TPD52: variants seen among roughly 807,000 people sequenced by gnomAD.
TPD52 encodes tumor protein D52.
TPD52 carries 17 observed loss-of-function variants against 31.3 expected under a neutral mutation model. The ratio of observed to expected loss-of-function variants is 0.54; its 90% CI spans 0.37 to 0.82. The LOEUF (loss-of-function observed/expected upper bound fraction) is 0.82, where lower values mean the gene tolerates loss of function less well. Ranked by LOEUF, TPD52 falls within the 40% of genes least tolerant of loss-of-function variation. The probability of loss-of-function intolerance (pLI) is 0.00; values close to 1 mark genes in which losing one functional copy is unlikely to be tolerated. For synonymous variants in TPD52, 83 were observed against 89.6 expected (o/e 0.93, Z 0.42); for missense variants, 212 against 240.1 (o/e 0.88, Z 0.77).
At chr8:80,126,644 G>A (rs1001773951) in intron 1 of TPD52, among the ~76,000 whole-genome samples, 2 of 151,984 alleles carry the variant, frequency 1.3e-5, no homozygotes, top group East Asian at 1.9e-4. Context: ...ACCATGCCTA[G>A]CCAATTTTTG....
rs1478665511 is a variant in TPD52 at position 80,119,733 on chromosome 8, C to T, written c.19+51692G>A. 3.3e-5 allele frequency: 9 copies of T among 276,732 alleles called. No individual in the cohort carries two copies. In the East Asian group the frequency reaches 1.0e-3, roughly 31 times the overall value. The allele number at this position is 276,732 out of a possible 1,614,324, so 17.1% of individuals were successfully genotyped here. A position where few individuals can be genotyped will look rare whatever the true frequency, so the allele number is the denominator to read the frequency against. ...GGCCTTTAAAACCACACAGTACTGG[C>T]ATAAGAATAAACAAAACATTTGAAA... On this transcript the variant is annotated intron_variant, in intron 1 of 7. Coordinates refer to ENST00000518937, the MANE Select transcript of TPD52 (RefSeq NM_001025253.3).
intron 1 of TPD52, among the ~76,000 whole-genome samples, chr8:80,159,815 G>A (rs935025231): frequency 2.6e-5 from 4 of 152,146 alleles, no homozygotes; most frequent in Admixed American, 1.3e-4. Context: ...TGTTACTTCC[G>A]ATTCCAATTT....
Position 80,037,902 on chromosome 8 carries a change from T to C in TPD52, c.*214A>G, listed in dbSNP as rs1810020190. 2.0e-6 allele frequency: 1 copy of C among 494,340 alleles called. No individual in the cohort carries two copies. Among genetic ancestry groups the C allele is most frequent in the Non-Finnish European group, 3.4e-6 (1 of 290,600 alleles). 30.6% of individuals were successfully genotyped at this position (494,340 alleles called of 1,614,324 possible). On this transcript the variant is annotated 3_prime_UTR_variant, in exon 8 of 8. Coordinates refer to ENST00000518937, the MANE Select transcript of TPD52 (RefSeq NM_001025253.3). ...TGTTTTTATAATGGTGTTTCCTAAA[T>C]AAAGGAACATAAATGTACACTAAAG...
chr8:80,143,418 C>A (rs887600608), intron 1 of TPD52, among the ~76,000 whole-genome samples: 1 of 152,178 alleles, frequency 6.6e-6, no homozygotes, highest in Non-Finnish European at 1.5e-5. Flanking sequence ...TTACGTATAA[C>A]CCCAATTAAA....
At chr8:80,158,451 T>C (rs573563116) in intron 1 of TPD52, 2 of 152,460 alleles carry the variant, frequency 1.3e-5, no homozygotes, top group African/African-American at 4.8e-5. Flanking sequence ...GGAATTCTTT[T>C]CTGAAGACCC....
intron 1 of TPD52, chr8:80,080,563 A>C (rs1338520653): frequency 6.8e-7 from 1 of 1,470,342 alleles, no homozygotes; most frequent in Non-Finnish European, 9.0e-7. Flanking sequence ...TGAAGAAATC[A>C]ACCCCAGGAG....
At chr8:80,113,544 G>T (rs1232254006) in intron 1 of TPD52, among the ~76,000 whole-genome samples, 1 of 152,116 alleles carries the variant, frequency 6.6e-6, no homozygotes, top group Non-Finnish European at 1.5e-5. Context: ...TCCATCAAAA[G>T]ATGAAGAGAT....
At chr8:80,056,809 G>C (rs1416799718) in intron 2 of TPD52, among the ~76,000 whole-genome samples, 1 of 152,140 alleles carries the variant, frequency 6.6e-6, no homozygotes, top group Non-Finnish European at 1.5e-5. Flanking sequence ...TCCTCAAAAA[G>C]TTAAACATAG....
intron 1 of TPD52, among the ~76,000 whole-genome samples, chr8:80,096,802 C>A (rs79749005): frequency 0.025 from 3,746 of 152,226 alleles, 61 homozygotes; most frequent in South Asian, 0.049. Context: ...CTCCTCAGGC[C>A]TCCCTATTTG....
At position 80,051,519 on chromosome 8, in the gene TPD52, G is replaced by A; in HGVS notation, c.386+8C>T. ...CTACTTAATGAGCAAGGAAAAATGA[G>A]GACATACTTTACATCTTCCAGCTTT... On this transcript the variant is annotated splice_region_variant and intron_variant, in intron 4 of 7. Transcript: ENST00000518937. 1.2e-6 allele frequency: 2 copies of A among 1,612,504 alleles called. No individual in the cohort carries two copies. The highest frequency in any genetic ancestry group is 1.7e-6 in the Non-Finnish European group (2 of 1,178,722).
At chr8:80,088,086 A>G (rs1815958320) in intron 1 of TPD52, among the ~76,000 whole-genome samples, 1 of 152,180 alleles carries the variant, frequency 6.6e-6, no homozygotes, top group South Asian at 2.1e-4. Flanking sequence ...AGAGCTAGCA[A>G]GTAAAGGAGC....
chr8:80,161,116 A>G (rs955731166), intron 1 of TPD52, among the ~76,000 whole-genome samples: 1 of 152,276 alleles, frequency 6.6e-6, no homozygotes, highest in African/African-American at 2.4e-5. Context: ...TCAATAGAAC[A>G]GCACTGAAAA....
At chr8:80,041,229 C>T (rs1012635351) in intron 7 of TPD52, among the ~76,000 whole-genome samples, 4 of 151,970 alleles carry the variant, frequency 2.6e-5, no homozygotes, top group South Asian at 2.1e-4. Context: ...CACCGTGGCA[C>T]GTGTATACCT....
chr8:80,155,029 A>G (rs1810862534), intron 1 of TPD52, among the ~76,000 whole-genome samples: 2 of 143,028 alleles, frequency 1.4e-5, no homozygotes, highest in East Asian at 4.1e-4. Context: ...ACAAGGTTTC[A>G]CTCAGTCACC....
At chr8:80,054,143 G>T (rs1350723097) in intron 2 of TPD52, among the ~76,000 whole-genome samples, 2 of 152,210 alleles carry the variant, frequency 1.3e-5, no homozygotes, top group Non-Finnish European at 2.9e-5. Context: ...AGTGTGAAAA[G>T]AGGTGCTCAA....
intron 3 of TPD52, 163 bp downstream of exon 3, chr8:80,053,119 A>G (rs1465269640): frequency 4.5e-6 from 3 of 674,016 alleles, no homozygotes; most frequent in Middle Eastern, 3.8e-4. Flanking sequence ...TTGAAGTTAC[A>G]AAAAAAGGCA....
chr8:80,114,777 G>T (rs1013686640), intron 1 of TPD52, among the ~76,000 whole-genome samples: 1 of 152,148 alleles, frequency 6.6e-6, no homozygotes, highest in Non-Finnish European at 1.5e-5. Context: ...CTATCAACGT[G>T]ATGCCTATTG....
At chr8:80,160,052 A>G (rs1811242728) in intron 1 of TPD52, among the ~76,000 whole-genome samples, 1 of 152,198 alleles carries the variant, frequency 6.6e-6, no homozygotes, top group East Asian at 1.9e-4. Flanking sequence ...TTAGCCAGGC[A>G]TGGTGGTGTG....
chr8:80,138,008 G>C (rs974242857), intron 1 of TPD52, among the ~76,000 whole-genome samples: 1 of 151,876 alleles, frequency 6.6e-6, no homozygotes, highest in Non-Finnish European at 1.5e-5. Flanking sequence ...GCAATGGCAC[G>C]ATCTTGGCTC....
Sources: gnomAD v4.1 joint callset for allele counts (sites outside exome capture counted in the v4.1 genomes callset) on GRCh38, gnomAD v4.1.1 for gene constraint, MANE v1.5 for transcripts, NCBI Gene and HGNC (gene_info 2026-07-23, HGNC 2026-07-21) for gene names.